DNM3: variants seen among roughly 807,000 people sequenced by gnomAD.
DNM3 encodes dynamin-3.
In DNM3, 47 loss-of-function variants were observed where a neutral mutation model predicts 101.6. The ratio of observed to expected loss-of-function variants is 0.46; its 90% CI spans 0.37 to 0.59. The LOEUF is 0.59. Among genes scored for constraint, DNM3 ranks in the 20% least tolerant of loss-of-function variants. The probability of loss-of-function intolerance (pLI) is 0.00; values close to 1 mark genes in which losing one functional copy is unlikely to be tolerated. For synonymous variants in DNM3, 385 were observed against 387.9 expected (o/e 0.99, Z 0.09); for missense variants, 849 against 1,085.7 (o/e 0.78, Z 3.06).
chr1:172,147,333 A>G (rs1284488122), intron 14 of DNM3, among the ~76,000 whole-genome samples: 1 of 152,164 alleles, frequency 6.6e-6, no homozygotes, highest in South Asian at 2.1e-4. Flanking sequence ...TTACGTCTGT[A>G]AAGTTATCAC....
chr1:172,044,512 A>C, intron 9 of DNM3, 60 bp downstream of exon 9: 1 of 1,411,554 alleles, frequency 7.1e-7, no homozygotes. Flanking sequence ...ATTAATGTTT[A>C]TAAATGGCTA....
intron 15 of DNM3, among the ~76,000 whole-genome samples, chr1:172,306,550 A>G (rs2064825115): frequency 6.6e-6 from 1 of 152,216 alleles, no homozygotes; most frequent in South Asian, 2.1e-4. Flanking sequence ...ATATGGAACC[A>G]AAAAAGAGCC....
At chr1:171,876,472 T>C (rs959956920) in intron 1 of DNM3, among the ~76,000 whole-genome samples, 9 of 152,316 alleles carry the variant, frequency 5.9e-5, no homozygotes, top group African/African-American at 2.2e-4. Flanking sequence ...GCCTCCTTGA[T>C]AACCCCAGCC....
rs1035055791 is a variant in DNM3 at position 171,863,780 on chromosome 1, G to A, written c.161+21963G>A. Among the ~76,000 whole-genome samples, 5 of 152,044 alleles carry A rather than the reference G, an allele frequency of 3.3e-5. No homozygotes were observed. The South Asian group carries it at 6.2e-4, about 19-fold the overall frequency. ...TTCCCCTCTACCTGGAAGGCTCTTCGGTTTCCATATTGCCAGGATAACTCT... is the reference window on the plus strand; with the variant it reads ...TTCCCCTCTACCTGGAAGGCTCTTCAGTTTCCATATTGCCAGGATAACTCT... On this transcript the variant is annotated intron_variant, in intron 1 of 20. Transcript: ENST00000627582.
At chr1:172,064,136 A>G (rs548893982) in intron 10 of DNM3, among the ~76,000 whole-genome samples, 20 of 152,290 alleles carry the variant, frequency 1.3e-4, no homozygotes, top group Admixed American at 2.6e-4. Context: ...TATTATAACT[A>G]ATAGCAAATC....
At chr1:171,933,695 G>A (rs1464012978) in intron 2 of DNM3, among the ~76,000 whole-genome samples, 1 of 152,062 alleles carries the variant, frequency 6.6e-6, no homozygotes, top group Non-Finnish European at 1.5e-5. Context: ...ATTGGGGAGG[G>A]TCTTGTGAGC....
intron 2 of DNM3, among the ~76,000 whole-genome samples, chr1:171,938,922 AT>A (rs2041631796): frequency 6.6e-6 from 1 of 152,130 alleles, no homozygotes; most frequent in Non-Finnish European, 1.5e-5. Flanking sequence ...TTCTTTTAAT[AT>A]TTGCATAGCT....
intron 16 of DNM3, among the ~76,000 whole-genome samples, chr1:172,315,890 C>T (rs2065321959): frequency 6.6e-6 from 1 of 151,954 alleles, no homozygotes; most frequent in Non-Finnish European, 1.5e-5. Flanking sequence ...ACAGAGAACG[C>T]CACAAAGATA....
intron 14 of DNM3, among the ~76,000 whole-genome samples, chr1:172,181,439 A>G (rs1324762606): frequency 1.3e-5 from 2 of 151,842 alleles, no homozygotes; most frequent in East Asian, 1.9e-4. Flanking sequence ...GTGGAGATAT[A>G]TATCTATATA....
In DNM3 at chr1:172,028,876, G is replaced by C. The variant is rs78253481; in HGVS notation, c.590-3526G>C. Among the ~76,000 whole-genome samples the C allele has an allele frequency of 1.3e-3, 194 of 152,196 alleles. 2 individuals are homozygous for C. Among genetic ancestry groups the C allele is most frequent in the African/African-American group, 4.2e-3 (174 of 41,512 alleles). On this transcript the variant is annotated intron_variant, in intron 4 of 20. Transcript: ENST00000627582. ...TAAACCAGGAAGAAGTTGAATCCCT[G>C]AATAGACCAATAGCAAGTCTGAAAT... is the stretch of plus-strand genomic sequence containing the variant.
intron 14 of DNM3, among the ~76,000 whole-genome samples, chr1:172,166,867 T>A (rs1167967482): frequency 6.6e-6 from 1 of 151,982 alleles, no homozygotes; most frequent in Non-Finnish European, 1.5e-5. Context: ...CAACAAAGAT[T>A]TATGTCATCC....
At chr1:171,842,300 C>T (rs367957093) in intron 1 of DNM3, among the ~76,000 whole-genome samples, 1 of 152,170 alleles carries the variant, frequency 6.6e-6, no homozygotes. Context: ...GAGCCCCCTC[C>T]CTTAGGTGGA....
intron 17 of DNM3, among the ~76,000 whole-genome samples, chr1:172,332,815 T>C (rs993177074): frequency 2.0e-5 from 3 of 152,224 alleles, no homozygotes; most frequent in Admixed American, 6.5e-5. Context: ...GGACAGGAAG[T>C]ACAATCCTGC....
At chr1:171,920,169 G>T (rs2040042616) in intron 1 of DNM3, among the ~76,000 whole-genome samples, 1 of 152,124 alleles carries the variant, frequency 6.6e-6, no homozygotes, top group South Asian at 2.1e-4. Context: ...GGAGAAATTT[G>T]GCTTGATTTT....
intron 5 of DNM3, 101 bp from the exon 6 acceptor site, chr1:172,033,004 A>G: frequency 7.2e-7 from 1 of 1,381,772 alleles, no homozygotes; most frequent in Non-Finnish European, 9.7e-7. Flanking sequence ...GCCTAAAACT[A>G]GTTTTGCCTT....
intron 10 of DNM3, among the ~76,000 whole-genome samples, chr1:172,051,638 A>G (rs879750893): frequency 2.0e-5 from 3 of 152,148 alleles, no homozygotes; most frequent in Non-Finnish European, 4.4e-5. Flanking sequence ...GAAAAGCTCT[A>G]TTTTGAAGGT....
chr1:172,276,556 A>AGTGTGTGTGTGTGTGT (rs1557919059), intron 15 of DNM3, among the ~76,000 whole-genome samples: 146 of 18,666 alleles, frequency 7.8e-3, no homozygotes, highest in African/African-American at 0.019. Context: ...AAAAAATCTT[A>AGTGTGTGTGTGTGTGT]ATGTGTGTGT....
intron 4 of DNM3, among the ~76,000 whole-genome samples, chr1:172,018,460 C>T (rs1305958672): frequency 1.3e-5 from 2 of 152,062 alleles, no homozygotes; most frequent in Non-Finnish European, 2.9e-5. Context: ...TATACACTCC[C>T]CGACTTATGA....
chr1:172,346,503 G>GTGT (rs1051038049), intron 17 of DNM3, among the ~76,000 whole-genome samples: 1 of 152,150 alleles, frequency 6.6e-6, no homozygotes, highest in African/African-American at 2.4e-5. Flanking sequence ...TTTAGTAAGA[G>GTGT]TGTTATACTA....
Sources: allele counts gnomAD v4.1 joint callset (sites outside exome capture counted in the v4.1 genomes callset), GRCh38; gene constraint gnomAD v4.1.1; transcripts MANE v1.5; gene names NCBI Gene and HGNC (gene_info 2026-07-23, HGNC 2026-07-21).